HDX: variants seen among roughly 807,000 people sequenced by gnomAD.
The protein encoded by HDX is highly divergent homeobox.
Under a neutral mutation model 45.2 loss-of-function variants are expected in HDX, and 19 were observed. The ratio of observed to expected loss-of-function variants is 0.42; its 90% CI spans 0.29 to 0.62. The LOEUF is 0.62. Ranked by LOEUF, HDX falls within the 20% of genes least tolerant of loss-of-function variation. HDX has a pLI of 0.20. For missense variants in HDX, 532 were observed against 493.9 expected (o/e 1.08, Z -0.73); for synonymous variants, 188 against 172.8 (o/e 1.09, Z -0.69).
intron 5 of HDX, among the ~76,000 whole-genome samples, chrX:84,394,926 A>G (rs778638518): frequency 1.8e-5 from 2 of 111,235 alleles, no homozygotes; most frequent in East Asian, 5.7e-4. Context: ...GCAGCATATA[A>G]CTGGGTCACT....
At chrX:84,395,288 T>C (rs2038534482) in intron 5 of HDX, among the ~76,000 whole-genome samples, 1 of 111,098 alleles carries the variant, frequency 9.0e-6, no homozygotes, top group Admixed American at 9.7e-5. Context: ...CTTTTATTTG[T>C]CTGGAAAATA....
At chrX:84,403,128 A>C (rs771778977) in intron 5 of HDX, among the ~76,000 whole-genome samples, 1 of 111,238 alleles carries the variant, frequency 9.0e-6, no homozygotes, top group South Asian at 3.7e-4. Flanking sequence ...CTGTTAACTA[A>C]CTCATTTATA....
intron 1 of HDX, among the ~76,000 whole-genome samples, chrX:84,494,560 G>A (rs1013888059): frequency 8.9e-6 from 1 of 111,941 alleles, no homozygotes; most frequent in East Asian, 2.8e-4. Flanking sequence ...CACATTAGAG[G>A]TTAGGGGGAT....
chrX:84,448,651 C>T (rs144169698), intron 4 of HDX, among the ~76,000 whole-genome samples: 10 of 108,182 alleles, frequency 9.2e-5, no homozygotes, highest in South Asian at 8.2e-4. Context: ...AAAAAGTGCT[C>T]CCCTACAAAA....
chrX:84,393,595 T>C (rs755455873), intron 5 of HDX, among the ~76,000 whole-genome samples: 3 of 111,553 alleles, frequency 2.7e-5, no homozygotes, highest in African/African-American at 9.7e-5. Flanking sequence ...TTGAGAGGAA[T>C]TGGTTTCTTT....
chrX:84,417,414 T>TTTATC (rs2039140232), intron 5 of HDX, among the ~76,000 whole-genome samples: 1 of 111,675 alleles, frequency 9.0e-6, no homozygotes, highest in African/African-American at 3.3e-5. Context: ...AGAAGAACAA[T>TTTATC]TTATCTTTAC....
At chrX:84,392,348 C>T (rs182236845) in intron 5 of HDX, among the ~76,000 whole-genome samples, 13 of 110,930 alleles carry the variant, frequency 1.2e-4, no homozygotes, top group South Asian at 3.8e-4. Context: ...TTAGGTAGTG[C>T]GGTACCTCCA....
intron 5 of HDX, among the ~76,000 whole-genome samples, chrX:84,433,686 T>C (rs1048389113): frequency 1.8e-5 from 2 of 111,459 alleles, no homozygotes; most frequent in Non-Finnish European, 3.8e-5. Context: ...CTTGGTTCCA[T>C]ATAAATTTTA....
chrX:84,465,227 T>C (rs1369074117), intron 4 of HDX, among the ~76,000 whole-genome samples: 1 of 112,023 alleles, frequency 8.9e-6, no homozygotes, highest in Non-Finnish European at 1.9e-5. Context: ...TTGGTGGGAA[T>C]GTAAATTAGT....
chrX:84,373,262 C>T (rs761434553), intron 5 of HDX, among the ~76,000 whole-genome samples: 1 of 111,082 alleles, frequency 9.0e-6, no homozygotes, highest in South Asian at 3.8e-4. Flanking sequence ...TGCCCCAAAT[C>T]GGCTTCTATC....
chrX:84,410,105 A>C (rs899110070), intron 5 of HDX, among the ~76,000 whole-genome samples: 11 of 108,329 alleles, frequency 1.0e-4, no homozygotes, highest in Non-Finnish European at 2.1e-4. Flanking sequence ...CTGCAAAGAG[A>C]AACAGTTTCA....
chrX:84,436,873 G>T (rs181019585), intron 5 of HDX, among the ~76,000 whole-genome samples: 1 of 109,146 alleles, frequency 9.2e-6, no homozygotes, highest in Non-Finnish European at 1.9e-5. Flanking sequence ...AATGCATTGC[G>T]TGTTTTTGTT....
At chrX:84,429,970 G>C (rs2039464664) in intron 5 of HDX, among the ~76,000 whole-genome samples, 1 of 110,750 alleles carries the variant, frequency 9.0e-6, no homozygotes, top group African/African-American at 3.3e-5. Context: ...ATAGTGATCA[G>C]ATCAGTGTTA....
At chrX:84,439,732 G>T (rs750072802) in intron 5 of HDX, among the ~76,000 whole-genome samples, 10 of 110,695 alleles carry the variant, frequency 9.0e-5, no homozygotes, top group Non-Finnish European at 1.9e-4. Context: ...TTGTTTCTGG[G>T]TGCTTTATTC....
intron 5 of HDX, among the ~76,000 whole-genome samples, chrX:84,383,239 A>G (rs749616331): frequency 1.8e-4 from 20 of 111,213 alleles, no homozygotes; most frequent in African/African-American, 6.5e-4. Flanking sequence ...TTTAAGAATG[A>G]TTACTCTCTC....
At chrX:84,410,782 A>T (rs1179543954) in intron 5 of HDX, among the ~76,000 whole-genome samples, 1 of 111,599 alleles carries the variant, frequency 9.0e-6, no homozygotes, top group African/African-American at 3.3e-5. Context: ...TTTAGCTGTG[A>T]ATCAGTCTGG....
At chrX:84,385,836 GGT>G (rs2038305931) in intron 5 of HDX, among the ~76,000 whole-genome samples, 1 of 95,192 alleles carries the variant, frequency 1.1e-5, no homozygotes, top group African/African-American at 4.0e-5. Flanking sequence ...CTACTTGAAT[GGT>G]TTTTTTTTTT....
At chrX:84,434,906 T>C (rs1333963981) in intron 5 of HDX, among the ~76,000 whole-genome samples, 1 of 111,389 alleles carries the variant, frequency 9.0e-6, no homozygotes, top group African/African-American at 3.3e-5. Context: ...GTAAGTCATA[T>C]GTATCCAGAA....
chrX:84,363,943 G>A (rs934492013), intron 5 of HDX, among the ~76,000 whole-genome samples: 5 of 111,160 alleles, frequency 4.5e-5, no homozygotes, highest in African/African-American at 1.6e-4. Flanking sequence ...AGGCAATCTA[G>A]GTGAAAGCTG....
Sources: gnomAD v4.1 joint callset for allele counts (sites outside exome capture counted in the v4.1 genomes callset) on GRCh38, gnomAD v4.1.1 for gene constraint, MANE v1.5 for transcripts, NCBI Gene and HGNC (gene_info 2026-07-23, HGNC 2026-07-21) for gene names.